FSTL5: variants seen among roughly 807,000 people sequenced by gnomAD.
FSTL5 encodes follistatin like 5, also known as follistatin-related protein 5.
In FSTL5, 62 loss-of-function variants were observed where a neutral mutation model predicts 89.1. The observed-to-expected ratio is 0.70, with a 90% CI of 0.57 to 0.86. The LOEUF is 0.86. FSTL5 is among the 40% of genes least tolerant of loss of function. FSTL5 has a pLI of 0.00. For missense variants in FSTL5, 1,057 were observed against 1,001.6 expected (o/e 1.06, Z -0.75); for synonymous variants, 383 against 346.2 (o/e 1.11, Z -1.18).
At chr4:161,995,767 GTTTT>G (rs371077939) in intron 3 of FSTL5, among the ~76,000 whole-genome samples, 2 of 137,120 alleles carry the variant, frequency 1.5e-5, no homozygotes, top group Non-Finnish European at 3.2e-5. Context: ...CATGTAATGA[GTTTT>G]TTTTTTTTTT....
intron 10 of FSTL5, among the ~76,000 whole-genome samples, chr4:161,534,757 T>G (rs945723174): frequency 6.6e-6 from 1 of 151,956 alleles, no homozygotes; most frequent in African/African-American, 2.4e-5. Flanking sequence ...AAAGAGAGTA[T>G]GAGTAGCCAA....
chr4:162,075,923 A>G (rs1729819896), intron 2 of FSTL5, among the ~76,000 whole-genome samples: 1 of 151,828 alleles, frequency 6.6e-6, no homozygotes. Flanking sequence ...TTGCAACTGC[A>G]TTGTAACTTA....
chr4:161,864,877 A>G (rs1732031566), intron 4 of FSTL5, among the ~76,000 whole-genome samples: 1 of 151,708 alleles, frequency 6.6e-6, no homozygotes, highest in Non-Finnish European at 1.5e-5. Context: ...TCTCAAAAAA[A>G]AAAAAAAAAA....
chr4:161,841,812 T>C (rs752667713), intron 4 of FSTL5, among the ~76,000 whole-genome samples: 1 of 152,160 alleles, frequency 6.6e-6, no homozygotes, highest in Non-Finnish European at 1.5e-5. Context: ...TTTATTCCAC[T>C]AGTTGGCTCT....
At chr4:161,532,474 T>C (rs1731446293) in intron 10 of FSTL5, among the ~76,000 whole-genome samples, 1 of 152,210 alleles carries the variant, frequency 6.6e-6, no homozygotes, top group South Asian at 2.1e-4. Flanking sequence ...TTAAAAATTG[T>C]ATCCTATCAC....
chr4:161,631,215 G>T (rs1178067261), intron 7 of FSTL5, among the ~76,000 whole-genome samples: 1 of 152,108 alleles, frequency 6.6e-6, no homozygotes, highest in African/African-American at 2.4e-5. Flanking sequence ...CCTAAAATTA[G>T]AGTTTTCTCA....
chr4:161,881,745 C>T (rs928585869), intron 4 of FSTL5, among the ~76,000 whole-genome samples: 3 of 152,192 alleles, frequency 2.0e-5, no homozygotes, highest in Non-Finnish European at 2.9e-5. Context: ...CTTTCCCTAA[C>T]GCAGGCTTAT....
chr4:161,505,085 T>C (rs1043670973), intron 11 of FSTL5, among the ~76,000 whole-genome samples: 1 of 152,112 alleles, frequency 6.6e-6, no homozygotes, highest in African/African-American at 2.4e-5. Context: ...ACAGAATCCT[T>C]CATTTGTTGA....
intron 8 of FSTL5, among the ~76,000 whole-genome samples, chr4:161,566,137 C>T (rs62324341): frequency 0.012 from 701 of 58,226 alleles, no homozygotes; most frequent in Admixed American, 0.015. Flanking sequence ...TATATATATA[C>T]ACACACACAC....
intron 15 of FSTL5, among the ~76,000 whole-genome samples, chr4:161,452,959 G>A (rs1733224472): frequency 6.6e-6 from 1 of 152,092 alleles, no homozygotes; most frequent in South Asian, 2.1e-4. Flanking sequence ...TTTCAAATTA[G>A]TATTAGCTCC....
chr4:161,658,327 C>T (rs923953349), intron 6 of FSTL5, among the ~76,000 whole-genome samples: 2 of 151,968 alleles, frequency 1.3e-5, no homozygotes, highest in African/African-American at 4.8e-5. Flanking sequence ...GGCATTGTGG[C>T]TCACGCCTGT....
intron 4 of FSTL5, among the ~76,000 whole-genome samples, chr4:161,791,437 CT>C (rs1322701676): frequency 2.6e-5 from 4 of 152,076 alleles, no homozygotes; most frequent in African/African-American, 9.7e-5. Context: ...TTGGCAAATA[CT>C]TTTTGTAAAG....
At chr4:161,761,855 C>T (rs1740822080) in intron 5 of FSTL5, among the ~76,000 whole-genome samples, 1 of 152,130 alleles carries the variant, frequency 6.6e-6, no homozygotes, top group African/African-American at 2.4e-5. Context: ...CTAAATATTT[C>T]AAATATTTGC....
intron 9 of FSTL5, among the ~76,000 whole-genome samples, chr4:161,540,175 C>A (rs572628985): frequency 1.3e-5 from 2 of 152,124 alleles, no homozygotes; most frequent in African/African-American, 4.8e-5. Context: ...CTAGAATAAG[C>A]TAACCCATCT....
At chr4:162,117,065 T>C (rs925543826) in intron 1 of FSTL5, among the ~76,000 whole-genome samples, 1 of 152,204 alleles carries the variant, frequency 6.6e-6, no homozygotes, top group Admixed American at 6.5e-5. Flanking sequence ...TCTAGCAAGT[T>C]TCTTACATTC....
intron 15 of FSTL5, among the ~76,000 whole-genome samples, chr4:161,401,626 G>C (rs2110907136): frequency 6.6e-6 from 1 of 152,198 alleles, no homozygotes; most frequent in Admixed American, 6.5e-5. Flanking sequence ...CCAGGTTCAC[G>C]CCATTCCCCT....
chr4:161,570,340 T>C (rs1267908445), intron 8 of FSTL5, among the ~76,000 whole-genome samples: 1 of 152,174 alleles, frequency 6.6e-6, no homozygotes, highest in African/African-American at 2.4e-5. Context: ...AAGAATCTTC[T>C]GGGCAGGGGA....
At chr4:161,541,780 AC>A (rs1480657392) in intron 9 of FSTL5, among the ~76,000 whole-genome samples, 7 of 151,906 alleles carry the variant, frequency 4.6e-5, no homozygotes. Context: ...TGAAGAAGAT[AC>A]TCCAGTAAAA....
chr4:162,129,219 G>A (rs191071561), intron 1 of FSTL5, among the ~76,000 whole-genome samples: 1 of 152,122 alleles, frequency 6.6e-6, no homozygotes, highest in Non-Finnish European at 1.5e-5. Context: ...AGGTGTGAAC[G>A]ACGGCGCCTG....
Sources: allele counts gnomAD v4.1 joint callset (sites outside exome capture counted in the v4.1 genomes callset), GRCh38; gene constraint gnomAD v4.1.1; transcripts MANE v1.5; gene names NCBI Gene and HGNC (gene_info 2026-07-23, HGNC 2026-07-21).